The following PHEX variants were observed in gnomAD, a reference collection of about 807,000 sequenced individuals.
PHEX encodes the protein phosphate-regulating neutral endopeptidase PHEX.
Under a neutral mutation model 68.0 loss-of-function variants are expected in PHEX, and 16 were observed. That is an observed-to-expected ratio of 0.24 (90% CI 0.16 to 0.36). The LOEUF is 0.36. PHEX is among the 10% of genes least tolerant of loss of function. The pLI is 1.00. For synonymous variants in PHEX, 208 were observed against 205.1 expected (o/e 1.01, Z -0.12); for missense variants, 480 against 575.5 (o/e 0.83, Z 1.70).
chrX:22,236,560 T>C (rs776458070), intron 20 of PHEX, among the ~76,000 whole-genome samples: 2 of 113,229 alleles, frequency 1.8e-5, no homozygotes, highest in African/African-American at 3.2e-5. Context: ...AGAGTTGGGA[T>C]TGGCAAACTA....
intron 3 of PHEX, among the ~76,000 whole-genome samples, chrX:22,053,227 A>C (rs185878797): frequency 3.2e-4 from 36 of 112,174 alleles, no homozygotes; most frequent in African/African-American, 1.1e-3. Flanking sequence ...CTGTCAAGAT[A>C]TTTTTGCTCA....
intron 20 of PHEX, among the ~76,000 whole-genome samples, chrX:22,241,600 G>A (rs1389015484): frequency 9.0e-6 from 1 of 111,523 alleles, no homozygotes. Context: ...CATCACCACC[G>A]ATCCCACAGA....
intron 3 of PHEX, among the ~76,000 whole-genome samples, chrX:22,053,076 C>G (rs1415450479): frequency 1.8e-5 from 2 of 111,902 alleles, no homozygotes; most frequent in Non-Finnish European, 3.8e-5. Flanking sequence ...AGCAGGCCTT[C>G]CGTAAATATT....
At chrX:22,041,265 C>CTCTCTCTCTCTATA (rs1468778300) in intron 2 of PHEX, among the ~76,000 whole-genome samples, 21 of 72,815 alleles carry the variant, frequency 2.9e-4, no homozygotes, top group African/African-American at 1.1e-3. Context: ...CTCTCTCTCT[C>CTCTCTCTCTCTATA]TATATATATA....
chrX:22,248,062 C>T lies in PHEX; in HGVS notation c.*109C>T. On this transcript the variant is annotated 3_prime_UTR_variant, in exon 22 of 22. Coordinates refer to ENST00000379374, the MANE Select transcript of PHEX (RefSeq NM_000444.6). The stretch of plus-strand genomic sequence containing the variant: ...GGCCTGGAGACTTTCATTTTTAGTG[C>T]ATTTTCATTATTTGGGTAGGTGACC... 1.7e-6 allele frequency: 1 copy of T among 576,242 alleles called. No individual in the cohort carries two copies. Among genetic ancestry groups the T allele is most frequent in the South Asian group, 2.4e-5 (1 of 42,346 alleles). 47.5% of individuals were successfully genotyped at this position (576,242 alleles called of 1,213,427 possible).
At chrX:22,208,797 C>G (rs1265573052) in intron 15 of PHEX, among the ~76,000 whole-genome samples, 3 of 111,700 alleles carry the variant, frequency 2.7e-5, no homozygotes, top group African/African-American at 9.8e-5. Flanking sequence ...ACAGTCAGTT[C>G]TATAATGTAA....
At chrX:22,089,406 GT>G (rs60936413) in intron 5 of PHEX, among the ~76,000 whole-genome samples, 24,696 of 99,063 alleles carry the variant, frequency 0.25, 2,535 homozygotes, top group African/African-American at 0.34. Flanking sequence ...AGTTTTTTTT[GT>G]TTTTTTTTTG....
At chrX:22,235,227 C>T (rs184550062) in intron 20 of PHEX, among the ~76,000 whole-genome samples, 1 of 112,183 alleles carries the variant, frequency 8.9e-6, no homozygotes, top group East Asian at 2.8e-4. Flanking sequence ...AAATCACCCA[C>T]TTACTTTCTG....
chrX:22,076,681 A>C (rs1417805616), intron 4 of PHEX, among the ~76,000 whole-genome samples: 1 of 112,157 alleles, frequency 8.9e-6, no homozygotes, highest in African/African-American at 3.2e-5. Context: ...AGAAAATCTT[A>C]TTTATATGAG....
At chrX:22,183,272 T>A (rs992097680) in intron 14 of PHEX, among the ~76,000 whole-genome samples, 28 of 111,105 alleles carry the variant, frequency 2.5e-4, no homozygotes, top group Admixed American at 1.2e-3. Context: ...CCCTCTTATG[T>A]TTCCATCCGG....
chrX:22,053,727 A>T (rs1414954988), intron 3 of PHEX, among the ~76,000 whole-genome samples: 1 of 112,104 alleles, frequency 8.9e-6, no homozygotes, highest in Non-Finnish European at 1.9e-5. Flanking sequence ...CGGCCAGATC[A>T]TCTCTATTAC....
intron 3 of PHEX, among the ~76,000 whole-genome samples, chrX:22,075,048 G>A (rs1221339099): frequency 1.0e-5 from 1 of 97,715 alleles, no homozygotes; most frequent in East Asian, 3.2e-4. Flanking sequence ...CTGCACTCCA[G>A]CTTGGGTGAC....
rs1397375670 is a variant in PHEX, at chrX:22,035,999, T to C, written c.119-2470T>C. 1.7e-3 allele frequency among the ~76,000 whole-genome samples: 128 copies of C among 76,773 alleles called. 1 individual carries two copies. Among genetic ancestry groups the C allele is most frequent in the African/African-American group, 6.6e-3 (122 of 18,571 alleles). The allele number at this position is 76,773 out of a possible 115,157, so 66.7% of individuals were successfully genotyped here. On this transcript the variant is annotated intron_variant, in intron 1 of 21. Transcript: ENST00000379374. ...TGTCAGTGTCCCAATTAATTAATTA[T>C]ACACACACACACACACACACACACA...
At chrX:22,061,224 GTC>G (rs1284465438) in intron 3 of PHEX, among the ~76,000 whole-genome samples, 5 of 112,059 alleles carry the variant, frequency 4.5e-5, no homozygotes, top group African/African-American at 1.3e-4. Flanking sequence ...CTCTGAATTG[GTC>G]AACGGCAGAA....
rs1362920073 is a variant in PHEX at position 22,064,117 on chromosome X, C to T, written c.350-12271C>T. Reference sequence around the variant, plus strand: ...TTTGTGTTCATTGAAGTTCTTTTAGCCTGACTTAGACATAACTGTTTAAAA... The same window carrying T: ...TTTGTGTTCATTGAAGTTCTTTTAGTCTGACTTAGACATAACTGTTTAAAA... On this transcript the variant is annotated intron_variant, in intron 3 of 21. Coordinates refer to ENST00000379374, the MANE Select transcript of PHEX (RefSeq NM_000444.6). 2.7e-5 allele frequency among the ~76,000 whole-genome samples: 3 copies of T among 112,205 alleles called. No homozygotes were observed. The Admixed American group carries it at 2.8e-4, about 11-fold the overall frequency.
At chrX:22,094,561 A>G (rs1484022333) in intron 7 of PHEX, among the ~76,000 whole-genome samples, 1 of 112,650 alleles carries the variant, frequency 8.9e-6, no homozygotes, top group Non-Finnish European at 1.9e-5. Flanking sequence ...GGCTCAGGGA[A>G]ATCTGTCCAC....
chrX:22,233,573 T>A (rs1935847961), intron 20 of PHEX, among the ~76,000 whole-genome samples: 1 of 111,315 alleles, frequency 9.0e-6, no homozygotes, highest in South Asian at 3.8e-4. Context: ...CTTCAATCTC[T>A]GATATCCTTT....
intron 12 of PHEX, among the ~76,000 whole-genome samples, chrX:22,146,875 G>A (rs1009819220): frequency 4.5e-5 from 5 of 110,214 alleles, no homozygotes; most frequent in Admixed American, 9.7e-5. Flanking sequence ...AATAAAAGAC[G>A]AAACTTGGAA....
chrX:22,150,372 A>G (rs995091260), intron 12 of PHEX, among the ~76,000 whole-genome samples: 14 of 111,474 alleles, frequency 1.3e-4, no homozygotes, highest in Non-Finnish European at 5.6e-5. Flanking sequence ...CCATACTTTG[A>G]GAATATAGAG....
Sources: gnomAD v4.1 joint callset for allele counts (sites outside exome capture counted in the v4.1 genomes callset) on GRCh38, gnomAD v4.1.1 for gene constraint, MANE v1.5 for transcripts, NCBI Gene and HGNC (gene_info 2026-07-23, HGNC 2026-07-21) for gene names.